The following GPR55 variants were observed in gnomAD, a reference collection of about 807,000 sequenced individuals.
GPR55 encodes G protein-coupled receptor 55, also known as G-protein coupled receptor 55.
Under a neutral mutation model 7.9 loss-of-function variants are expected in GPR55, and 6 were observed. That is an observed-to-expected ratio of 0.76 (90% CI 0.41 to 1.49). The LOEUF is 1.49. Ranked by LOEUF, GPR55 falls within the 40% of genes most tolerant of loss-of-function variation. The probability of loss-of-function intolerance (pLI) is 0.01; values close to 1 mark genes in which losing one functional copy is unlikely to be tolerated. For synonymous variants in GPR55, 183 were observed against 166.8 expected (o/e 1.10, Z -0.75); for missense variants, 376 against 406.0 (o/e 0.93, Z 0.63).
chr2:230,940,122 G>T lies in GPR55; in HGVS notation c.-135+20653C>A, dbSNP rs1324597649. The stretch of plus-strand genomic sequence containing the variant: ...CTGAAGGGTGGATGCAAATGGCTTG[G>T]GGCAGCTACAGCCTCCCAGGGGCAG... On this transcript the variant is annotated intron_variant, in intron 1 of 1. Transcript: ENST00000392039. 2.6e-5 allele frequency among the ~76,000 whole-genome samples: 4 copies of T among 152,170 alleles called. No individual in the cohort carries two copies. The East Asian group carries it at 7.8e-4, about 29-fold the overall frequency.
In GPR55 at chr2:230,955,520, G is replaced by A. The variant is rs1042004909; in HGVS notation, c.-135+5255C>T. 7.5e-4 allele frequency among the ~76,000 whole-genome samples: 114 copies of A among 152,260 alleles called. 1 individual carries two copies. The highest frequency in any genetic ancestry group is 2.7e-3 in the African/African-American group (113 of 41,516). On this transcript the variant is annotated intron_variant, in intron 1 of 1. Coordinates refer to the GPR55 transcript ENST00000392039. ...TCCAGCCTGTTAAGACAGTTCCAGT[G>A]ACTAAATCTGGTAGCACATTAGCAG...
chr2:230,925,664 T>A (rs981317541), upstream of GPR55, among the ~76,000 whole-genome samples: 5 of 152,148 alleles, frequency 3.3e-5, no homozygotes, highest in African/African-American at 1.2e-4. Flanking sequence ...GGGTTTAGGA[T>A]TTGAAACTGC....
chr2:230,915,678 G>A (rs1690695568), intron 1 of GPR55, among the ~76,000 whole-genome samples: 1 of 152,166 alleles, frequency 6.6e-6, no homozygotes, highest in Non-Finnish European at 1.5e-5. Flanking sequence ...ACCTCTGAAT[G>A]TCCCGCTGAC....
chr2:230,954,118 G>A lies in GPR55; in HGVS notation c.-135+6657C>T, dbSNP rs116018773. 2.3e-3 allele frequency among the ~76,000 whole-genome samples: 354 copies of A among 152,360 alleles called. 1 individual carries two copies. Among genetic ancestry groups the A allele is most frequent in the African/African-American group, 7.5e-3 (313 of 41,588 alleles). ...AACAGAGGGCTTCTGAGCAAGTTCC[G>A]AGATGCAAAGGTTTCACAGCCCTGG... On this transcript the variant is annotated intron_variant, in intron 1 of 1. Transcript: ENST00000392039.
rs554137676 is a variant in GPR55, at chr2:230,923,076, A to G, written c.-135+2092T>C. ...CCCGCAACTGCCAGTGGTCCATGGTACCCTCATCCGCCCACACCCTCAAGG... is the reference window on the plus strand; with the variant it reads ...CCCGCAACTGCCAGTGGTCCATGGTGCCCTCATCCGCCCACACCCTCAAGG... On this transcript the variant is annotated intron_variant, in intron 1 of 1. Transcript: ENST00000650999. The surrounding 1 kb of genome is among the most constrained non-coding windows in gnomAD (Gnocchi z 4.1). Among the ~76,000 whole-genome samples the G allele has an allele frequency of 4.3e-4, 65 of 152,210 alleles. No homozygotes were observed. Among genetic ancestry groups the G allele is most frequent in the African/African-American group, 1.4e-3 (60 of 41,534 alleles).
At chr2:230,951,669 TCTTGACAA>T (rs1163129005) in intron 1 of GPR55, among the ~76,000 whole-genome samples, 1 of 152,118 alleles carries the variant, frequency 6.6e-6, no homozygotes, top group Non-Finnish European at 1.5e-5. Flanking sequence ...TTGGCTGGGA[TCTTGACAA>T]CTGAGGGTAA....
At chr2:230,952,259 G>A (rs1052720195) in intron 1 of GPR55, among the ~76,000 whole-genome samples, 36 of 130,296 alleles carry the variant, frequency 2.8e-4, no homozygotes, top group Non-Finnish European at 4.2e-4. Flanking sequence ...TGAGCACTTT[G>A]GAATGCTCCT....
At chr2:230,937,081 G>T (rs1691143443) in intron 1 of GPR55, among the ~76,000 whole-genome samples, 1 of 151,980 alleles carries the variant, frequency 6.6e-6, no homozygotes, top group Non-Finnish European at 1.5e-5. Context: ...TTTTCAGTTG[G>T]GCTGTACGAC....
intron 1 of GPR55, among the ~76,000 whole-genome samples, chr2:230,918,363 G>C (rs953048023): frequency 6.6e-6 from 1 of 152,016 alleles, no homozygotes; most frequent in African/African-American, 2.4e-5. Context: ...TGTTGATTTG[G>C]GGGCAAAAAA....
chr2:230,955,702 C>A (rs914630833), intron 1 of GPR55, among the ~76,000 whole-genome samples: 22 of 138,284 alleles, frequency 1.6e-4, no homozygotes, highest in Non-Finnish European at 3.2e-4. Context: ...AAAGATTATG[C>A]CAGTGTCTTT....
chr2:230,943,673 C>T (rs563811289), intron 1 of GPR55, among the ~76,000 whole-genome samples: 2 of 152,282 alleles, frequency 1.3e-5, no homozygotes, highest in Admixed American at 1.3e-4. Flanking sequence ...GGGGTTGGAT[C>T]ATGGGGGTGG....
At chr2:230,922,481 T>G (rs1690861081) in intron 1 of GPR55, among the ~76,000 whole-genome samples, 1 of 152,156 alleles carries the variant, frequency 6.6e-6, no homozygotes, top group African/African-American at 2.4e-5. Context: ...GCTCAAGCAA[T>G]CCTCCCACCT....
chr2:230,946,925 C>T (rs1158467046), intron 1 of GPR55, among the ~76,000 whole-genome samples: 1 of 152,218 alleles, frequency 6.6e-6, no homozygotes, highest in Non-Finnish European at 1.5e-5. Flanking sequence ...AACTAGAGAG[C>T]AGAACATCTT....
chr2:230,946,861 G>A (rs532275334), intron 1 of GPR55, among the ~76,000 whole-genome samples: 2 of 152,306 alleles, frequency 1.3e-5, no homozygotes, highest in South Asian at 4.1e-4. Flanking sequence ...CTGTGGCTGG[G>A]GGTGCTCATG....
chr2:230,910,590 A>G lies in GPR55; in HGVS notation c.373T>C (p.Tyr125His), dbSNP rs1452137202. ...CGGAGGTGGCTCACCAGTAGCGGGTAACGGATGGCCAAGAACCGGTCCATG... is the reference window on the plus strand; with the variant it reads ...CGGAGGTGGCTCACCAGTAGCGGGTGACGGATGGCCAAGAACCGGTCCATG... ...ISMDRFLAIR[Y>H]PLLVSHLRSP... Residue 125 changes from tyrosine (Y) to histidine (H), a missense_variant, in exon 2 of 2, where the codon TAC becomes CAC. By Grantham distance (83) the Tyr-to-His change is moderately conservative. Coordinates refer to ENST00000650999, the MANE Select transcript of GPR55 (RefSeq NM_005683.4). This position sits in a 1 kb window ranked among gnomAD's most constrained non-coding sequence, Gnocchi z 5.4. The G allele has an allele frequency of 4.3e-6, 7 of 1,613,926 alleles. No individual in the cohort carries two copies. The African/African-American group carries it at 5.3e-5, about 12-fold the overall frequency.
intron 1 of GPR55, among the ~76,000 whole-genome samples, chr2:230,914,612 A>G (rs1346149492): frequency 6.6e-6 from 1 of 152,016 alleles, no homozygotes; most frequent in Non-Finnish European, 1.5e-5. Context: ...CATCCTTCTC[A>G]AAGAAGTTTG....
intron 1 of GPR55, among the ~76,000 whole-genome samples, chr2:230,917,489 C>T (rs1042078696): frequency 1.3e-5 from 2 of 152,052 alleles, no homozygotes; most frequent in African/African-American, 4.8e-5. Flanking sequence ...ACTCTCTGAC[C>T]TCATACACAA....
At chr2:230,948,334 G>A (rs979962621) in intron 1 of GPR55, among the ~76,000 whole-genome samples, 7 of 152,138 alleles carry the variant, frequency 4.6e-5, no homozygotes, top group Admixed American at 2.6e-4. Context: ...CTCTGGGTCT[G>A]GGTGGCTGCT....
intron 1 of GPR55, among the ~76,000 whole-genome samples, chr2:230,953,178 T>C (rs1307286608): frequency 1.3e-5 from 2 of 151,970 alleles, no homozygotes; most frequent in Admixed American, 1.3e-4. Flanking sequence ...TCCTGGAGCA[T>C]TGTTAGGGGC....
Sources: gnomAD v4.1 joint callset for allele counts (sites outside exome capture counted in the v4.1 genomes callset) on GRCh38, gnomAD v4.1.1 for gene constraint, Gnocchi (gnomAD v3.1) non-coding constraint, MANE v1.5 for transcripts, NCBI Gene and HGNC (gene_info 2026-07-23, HGNC 2026-07-21) for gene names.